The following MTMR12 variants were observed in gnomAD, a reference collection of about 807,000 sequenced individuals.
The protein encoded by MTMR12 is myotubularin-related protein 12.
A neutral mutation model predicts 96.7 loss-of-function variants in MTMR12; 33 were observed. The ratio of observed to expected loss-of-function variants is 0.34; its 90% CI spans 0.26 to 0.46. The LOEUF (loss-of-function observed/expected upper bound fraction) is 0.46, where lower values mean the gene tolerates loss of function less well. MTMR12 is among the 20% of genes least tolerant of loss of function. MTMR12 has a pLI of 1.00. For missense variants in MTMR12, 721 were observed against 896.1 expected (o/e 0.80, Z 2.49); for synonymous variants, 298 against 327.2 (o/e 0.91, Z 0.96).
At chr5:32,275,461 G>A (rs1020665846) in intron 2 of MTMR12, among the ~76,000 whole-genome samples, 8 of 152,080 alleles carry the variant, frequency 5.3e-5, no homozygotes, top group Admixed American at 2.0e-4. Context: ...GGCCAGCCCC[G>A]TCCCATGCTC....
At chr5:32,273,612 T>A (rs1749928779) in intron 3 of MTMR12, among the ~76,000 whole-genome samples, 2 of 152,052 alleles carry the variant, frequency 1.3e-5, no homozygotes, top group Non-Finnish European at 2.9e-5. Flanking sequence ...TAAGCCAGTA[T>A]GACATGAGGC....
At chr5:32,235,630 A>G (rs1748197321) in intron 13 of MTMR12, among the ~76,000 whole-genome samples, 1 of 152,228 alleles carries the variant, frequency 6.6e-6, no homozygotes, top group South Asian at 2.1e-4. Context: ...TTGGAGACCA[A>G]CGTGGAAGGA....
intron 1 of MTMR12, among the ~76,000 whole-genome samples, chr5:32,296,992 A>G (rs1055114908): frequency 3.3e-5 from 5 of 151,612 alleles, no homozygotes; most frequent in African/African-American, 1.2e-4. Flanking sequence ...AGTCCCAGCT[A>G]CTTGGGAGGC....
At chr5:32,283,125 T>A (rs185608782) in intron 1 of MTMR12, among the ~76,000 whole-genome samples, 1 of 152,312 alleles carries the variant, frequency 6.6e-6, no homozygotes, top group African/African-American at 2.4e-5. Context: ...TGAATGTGTA[T>A]AAGCTGTTGT....
In MTMR12 at chr5:32,276,873, CTTTTTTTTTTTTT is replaced by C. The variant is rs779455702; in HGVS notation, c.82-144_82-132del. ...AGCTTTTCGTTTATGTTACAAGCTA[CTTTTTTTTTTTTT>C]TTTTTTTTTTTTTTTTTTGAGATGG... On this transcript the variant is annotated intron_variant, in intron 1 of 15. Transcript: ENST00000382142. 4.8e-3 allele frequency: 591 copies of C among 123,668 alleles called. 1 individual carries two copies. Among genetic ancestry groups the C allele is most frequent in the Middle Eastern group, 0.022 (8 of 356 alleles). 7.7% of individuals were successfully genotyped at this position (123,668 alleles called of 1,614,324 possible). A position where few individuals can be genotyped will look rare whatever the true frequency, so the allele number is the denominator to read the frequency against.
chr5:32,295,385 C>T (rs1005909067), intron 1 of MTMR12, among the ~76,000 whole-genome samples: 1 of 152,240 alleles, frequency 6.6e-6, no homozygotes, highest in Non-Finnish European at 1.5e-5. Flanking sequence ...ACCACATACA[C>T]AAATTCAACC....
At chr5:32,271,651 T>C (rs551089457) in intron 4 of MTMR12, among the ~76,000 whole-genome samples, 182 bp downstream of exon 4, 8 of 152,340 alleles carry the variant, frequency 5.3e-5, no homozygotes, top group Non-Finnish European at 7.4e-5. Context: ...CAAACTCCTC[T>C]AGCTAAGTGA....
intron 1 of MTMR12, among the ~76,000 whole-genome samples, chr5:32,283,378 C>A (rs1393440720): frequency 6.6e-6 from 1 of 152,118 alleles, no homozygotes; most frequent in African/African-American, 2.4e-5. Context: ...ACAAACATTT[C>A]TTGGGCTCTA....
chr5:32,232,474 G>A (rs1238675651), intron 15 of MTMR12, among the ~76,000 whole-genome samples: 1 of 152,178 alleles, frequency 6.6e-6, no homozygotes, highest in Non-Finnish European at 1.5e-5. Context: ...CTAGGTCTGA[G>A]GAGAGAAATG....
At chr5:32,290,170 T>C (rs1262160812) in intron 1 of MTMR12, among the ~76,000 whole-genome samples, 2 of 152,222 alleles carry the variant, frequency 1.3e-5, no homozygotes, top group African/African-American at 4.8e-5. Flanking sequence ...CAGAAGCAAT[T>C]TGCCTTCAGC....
At chr5:32,237,140 A>C (rs1298754276) in intron 13 of MTMR12, among the ~76,000 whole-genome samples, 1 of 152,232 alleles carries the variant, frequency 6.6e-6, no homozygotes, top group Non-Finnish European at 1.5e-5. Flanking sequence ...ATTCTGTGTC[A>C]AGCTGTTCTG....
chr5:32,296,877 C>T (rs1208813943), intron 1 of MTMR12, among the ~76,000 whole-genome samples: 2 of 150,616 alleles, frequency 1.3e-5, no homozygotes, highest in African/African-American at 4.9e-5. Flanking sequence ...CCAAGGTGGG[C>T]GGACCACAAG....
chr5:32,276,487 C>A (rs1316057898), intron 2 of MTMR12, among the ~76,000 whole-genome samples, 195 bp downstream of exon 2: 5 of 152,168 alleles, frequency 3.3e-5, no homozygotes, highest in African/African-American at 9.7e-5. Context: ...AAGAAAAATT[C>A]TTTGCAGATG....
At chr5:32,230,586 G>A (rs145288099) in intron 15 of MTMR12, among the ~76,000 whole-genome samples, 6 of 152,310 alleles carry the variant, frequency 3.9e-5, no homozygotes, top group African/African-American at 1.4e-4. Flanking sequence ...TGGCAGCTGT[G>A]CAGAAAGGCA....
chr5:32,271,181 C>T (rs1561780400), intron 4 of MTMR12, among the ~76,000 whole-genome samples: 1 of 152,204 alleles, frequency 6.6e-6, no homozygotes, highest in Admixed American at 6.5e-5. Context: ...CAAGAACAGA[C>T]TGGCCACTGT....
intron 1 of MTMR12, among the ~76,000 whole-genome samples, chr5:32,310,113 G>A (rs1349177885): frequency 1.3e-5 from 2 of 152,148 alleles, no homozygotes; most frequent in African/African-American, 4.8e-5. Context: ...CCAGGAGTTT[G>A]AGAGCAGCCT....
At chr5:32,263,087 G>A (rs376870527) in intron 7 of MTMR12, 26 bp downstream of exon 7, 1 of 1,613,194 alleles carries the variant, frequency 6.2e-7, no homozygotes, top group Non-Finnish European at 8.5e-7. Flanking sequence ...GAATTGTACA[G>A]CATGTGCCCA....
chr5:32,249,095 T>C (rs1313515857), intron 8 of MTMR12, among the ~76,000 whole-genome samples: 1 of 152,220 alleles, frequency 6.6e-6, no homozygotes, highest in African/African-American at 2.4e-5. Flanking sequence ...GACACAGACT[T>C]ATGGTCTAAC....
intron 1 of MTMR12, among the ~76,000 whole-genome samples, chr5:32,308,139 T>C (rs565049069): frequency 2.2e-4 from 34 of 152,196 alleles, no homozygotes; most frequent in African/African-American, 8.2e-4. Context: ...CTGGCCAATA[T>C]GGTGAAACCC....
Sources: gnomAD v4.1 joint callset for allele counts (sites outside exome capture counted in the v4.1 genomes callset) on GRCh38, gnomAD v4.1.1 for gene constraint, MANE v1.5 for transcripts, NCBI Gene and HGNC (gene_info 2026-07-23, HGNC 2026-07-21) for gene names.